SLC6A12: variants seen among roughly 807,000 people sequenced by gnomAD.
SLC6A12 encodes sodium- and chloride-dependent betaine transporter.
A neutral mutation model predicts 73.3 loss-of-function variants in SLC6A12; 50 were observed. The ratio of observed to expected loss-of-function variants is 0.68; its 90% CI spans 0.54 to 0.86. The LOEUF (loss-of-function observed/expected upper bound fraction) is 0.86, where lower values mean the gene tolerates loss of function less well. Among genes scored for constraint, SLC6A12 ranks in the 40% least tolerant of loss-of-function variants. The pLI, the probability that SLC6A12 is intolerant of heterozygous loss-of-function variation, is 0.00. For missense variants in SLC6A12, 648 were observed against 772.8 expected (o/e 0.84, Z 1.92); for synonymous variants, 304 against 309.2 (o/e 0.98, Z 0.18).
chr12:205,670 TAC>T (rs1381497580), intron 3 of SLC6A12, among the ~76,000 whole-genome samples: 17 of 152,190 alleles, frequency 1.1e-4, no homozygotes, highest in Non-Finnish European at 4.4e-5. Context: ...ACATAGAAAG[TAC>T]AGAGGGAAAG....
chr12:198,993 G>T lies in SLC6A12; in HGVS notation c.712-62C>A. The stretch of plus-strand genomic sequence containing the variant: ...GGGGACGCAGTGGCCCTCCAGCCAC[G>T]CCCCACAGGCAGCTCGAGTCACACG... On this transcript the variant is annotated intron_variant, in intron 7 of 15. Transcript: ENST00000684302. This position sits in a 1 kb window ranked among gnomAD's most constrained non-coding sequence, Gnocchi z 4.0. The T allele has an allele frequency of 3.8e-6, 6 of 1,559,408 alleles. No homozygotes were observed. In the Admixed American group the frequency reaches 5.1e-5, roughly 13 times the overall value.
chr12:188,174 G>A (rs1482572290), downstream of SLC6A12, among the ~76,000 whole-genome samples: 2 of 152,174 alleles, frequency 1.3e-5, no homozygotes, highest in African/African-American at 2.4e-5. Context: ...AGGGGGCGGC[G>A]CTGGTCGGGG....
In SLC6A12 at chr12:204,316, G is replaced by A. The variant is rs1371936802; in HGVS notation, c.349+248C>T. On this transcript the variant is annotated intron_variant, in intron 4 of 15. Transcript: ENST00000684302. ...CAGGGGTCCCATGGTTGCCCCAAGAGGCATCAGCACCAAACTGGCCTCCCC... is the reference window on the plus strand; with the variant it reads ...CAGGGGTCCCATGGTTGCCCCAAGAAGCATCAGCACCAAACTGGCCTCCCC... 8.1e-6 allele frequency: 4 copies of A among 493,894 alleles called. No homozygotes were observed. In the East Asian group the frequency reaches 1.4e-4, roughly 17 times the overall value. The allele number at this position is 493,894 out of a possible 1,614,324, so 30.6% of individuals were successfully genotyped here. A position where few individuals can be genotyped will look rare whatever the true frequency, so the allele number is the denominator to read the frequency against.
rs2137099290 is a variant in SLC6A12 at position 191,051 on chromosome 12, T to C, written c.*17A>G. Reference sequence around the variant, plus strand: ...CTAGGTTCCCGGCTTAGGAGCCGCCTGGCCTCTGGCCACACCCTACAAATG... The same window carrying C: ...CTAGGTTCCCGGCTTAGGAGCCGCCCGGCCTCTGGCCACACCCTACAAATG... On this transcript the variant is annotated 3_prime_UTR_variant, in exon 16 of 16. Transcript: ENST00000684302. The C allele has an allele frequency of 7.7e-7, 1 of 1,303,616 alleles. No homozygotes were observed. The highest frequency in any genetic ancestry group is 2.8e-5 in the East Asian group (1 of 35,400). The allele number at this position is 1,303,616 out of a possible 1,614,324, so 80.8% of individuals were successfully genotyped here. A position where few individuals can be genotyped will look rare whatever the true frequency, so the allele number is the denominator to read the frequency against.
At chr12:208,301 A>G (rs1382417679) in intron 3 of SLC6A12, among the ~76,000 whole-genome samples, 1 of 151,818 alleles carries the variant, frequency 6.6e-6, no homozygotes, top group Non-Finnish European at 1.5e-5. Context: ...CCAGAGACTG[A>G]GCCAGCCCAA....
chr12:204,453 A>C, intron 4 of SLC6A12, 111 bp downstream of exon 4: 2 of 1,069,730 alleles, frequency 1.9e-6, no homozygotes, highest in Non-Finnish European at 2.8e-6. Flanking sequence ...GGCGCAGGAT[A>C]TGGGAGTGAG....
intron 10 of SLC6A12, 80 bp from the exon 11 acceptor site, chr12:196,962 G>A: frequency 1.1e-6 from 1 of 894,406 alleles, no homozygotes; most frequent in South Asian, 1.4e-5. Flanking sequence ...TAAGCACTGT[G>A]TGTGTGTGTA....
chr12:202,640 G>C, intron 5 of SLC6A12, 100 bp downstream of exon 5: 1 of 1,293,068 alleles, frequency 7.7e-7, no homozygotes. Flanking sequence ...CTGCCAGGCA[G>C]GTTCTGCTAC....
At chr12:184,525 C>T in the SLC6A12 span, among the ~76,000 whole-genome samples, 101 of 152,144 alleles carry the variant, frequency 6.6e-4, no homozygotes, top group Non-Finnish European at 1.1e-3. Context: ...CCGAGGCGGG[C>T]GGATCACGAG....
chr12:184,978 AG>A, the SLC6A12 span, among the ~76,000 whole-genome samples: 1 of 152,004 alleles, frequency 6.6e-6, no homozygotes, highest in African/African-American at 2.4e-5. Context: ...ATGAAATGTT[AG>A]GGTTCCTGTC....
chr12:192,167 C>G (rs376366862), intron 15 of SLC6A12, among the ~76,000 whole-genome samples: 1 of 152,172 alleles, frequency 6.6e-6, no homozygotes, highest in African/African-American at 2.4e-5. Context: ...TGTGTCTGGG[C>G]ACCTTCCTGT....
chr12:184,706 C>T, the SLC6A12 span, among the ~76,000 whole-genome samples: 2 of 152,020 alleles, frequency 1.3e-5, no homozygotes, highest in Non-Finnish European at 2.9e-5. Context: ...GCTGAGATGG[C>T]GCCACTGCAC....
At chr12:201,920 C>A in intron 5 of SLC6A12, 71 bp from the exon 6 acceptor site, 4 of 1,358,806 alleles carry the variant, frequency 2.9e-6, no homozygotes, top group Non-Finnish European at 4.2e-6. Context: ...GGCCCTCTGG[C>A]CTTGCAGCCT....
the SLC6A12 span, among the ~76,000 whole-genome samples, chr12:184,401 G>A: frequency 6.6e-6 from 1 of 152,092 alleles, no homozygotes; most frequent in African/African-American, 2.4e-5. Context: ...GAGGTGGGTG[G>A]ATCACTTGAG....
the SLC6A12 span, among the ~76,000 whole-genome samples, chr12:183,874 C>G: frequency 9.2e-4 from 140 of 152,070 alleles, no homozygotes; most frequent in Non-Finnish European, 1.7e-3. Context: ...TACTACACTT[C>G]AAGGAACAGA....
Position 197,895 on chromosome 12 carries a change from C to G in SLC6A12, c.950+5G>C. ...TCACCCCACCCCGGCCCACGCTGTT[C>G]TCACTTGTAGCAGTTGTTGTGATAC... On this transcript the variant is annotated splice_donor_5th_base_variant and intron_variant, in intron 9 of 15. Coordinates refer to ENST00000684302, the MANE Select transcript of SLC6A12 (RefSeq NM_001122848.3). 2 of 1,237,672 alleles carry G rather than the reference C, an allele frequency of 1.6e-6. No homozygotes were observed. The highest frequency in any genetic ancestry group is 1.2e-5 in the South Asian group (1 of 83,412). 76.7% of individuals were successfully genotyped at this position (1,237,672 alleles called of 1,614,324 possible). A position where few individuals can be genotyped will look rare whatever the true frequency, so the allele number is the denominator to read the frequency against.
downstream of SLC6A12, among the ~76,000 whole-genome samples, chr12:187,589 CAAAAAAAAAAA>C (rs761187495): frequency 2.9e-4 from 31 of 106,028 alleles, no homozygotes; most frequent in East Asian, 2.1e-3. Flanking sequence ...TGCAAAAGAG[CAAAAAAAAAAA>C]AAAAAAAAAA....
At position 195,963 on chromosome 12, in the gene SLC6A12, G is replaced by C. The variant is rs561345787; in HGVS notation, c.1326+161C>G. 7.2e-5 allele frequency among the ~76,000 whole-genome samples: 11 copies of C among 152,164 alleles called. No homozygotes were observed. The South Asian group carries it at 2.3e-3, about 32-fold the overall frequency. Reference sequence around the variant, plus strand: ...TGCAACCAAAAGAGACCTCACAAATGCATGTTGTGTGGTCCCTACAACCTC... The same window carrying C: ...TGCAACCAAAAGAGACCTCACAAATCCATGTTGTGTGGTCCCTACAACCTC... On this transcript the variant is annotated intron_variant, in intron 12 of 15. Transcript: ENST00000684302.
chr12:198,559 G>T lies in SLC6A12; in HGVS notation c.846+238C>A. 1 of 408,428 alleles carries T rather than the reference G, an allele frequency of 2.4e-6. No individual in the cohort carries two copies. The highest frequency in any genetic ancestry group is 4.4e-6 in the Non-Finnish European group (1 of 227,518). The allele number at this position is 408,428 out of a possible 1,614,324, so 25.3% of individuals were successfully genotyped here. Reference sequence around the variant, plus strand: ...AGCCTGGGGGACAGAGCCAGACCCTGCCTGTCTCTAAGTAAGAGAAAAAAA... The same window carrying T: ...AGCCTGGGGGACAGAGCCAGACCCTTCCTGTCTCTAAGTAAGAGAAAAAAA... On this transcript the variant is annotated intron_variant, in intron 8 of 15. Transcript: ENST00000684302. The surrounding 1 kb of genome is among the most constrained non-coding windows in gnomAD (Gnocchi z 4.0).
Sources: gnomAD v4.1 joint callset for allele counts (sites outside exome capture counted in the v4.1 genomes callset) on GRCh38, gnomAD v4.1.1 for gene constraint, Gnocchi (gnomAD v3.1) non-coding constraint, MANE v1.5 for transcripts, NCBI Gene and HGNC (gene_info 2026-07-23, HGNC 2026-07-21) for gene names.